Variants in SLC14A2 observed in about 807,000 individuals in gnomAD.
SLC14A2 encodes solute carrier family 14 member 2, also known as urea transporter 2.
In SLC14A2, 91 loss-of-function variants were observed where a neutral mutation model predicts 104.6. The observed-to-expected ratio is 0.87, with a 90% CI of 0.73 to 1.04. SLC14A2 has a LOEUF of 1.04. Among genes scored for constraint, SLC14A2 ranks in the 50% least tolerant of loss-of-function variants. The probability of loss-of-function intolerance (pLI) is 0.00; values close to 1 mark genes in which losing one functional copy is unlikely to be tolerated. For missense variants in SLC14A2, 1,189 were observed against 1,156.0 expected (o/e 1.03, Z -0.41); for synonymous variants, 476 against 466.4 (o/e 1.02, Z -0.27).
At chr18:45,199,768 T>C in the SLC14A2 span, among the ~76,000 whole-genome samples, 2 of 152,152 alleles carry the variant, frequency 1.3e-5, no homozygotes, top group Admixed American at 6.5e-5. Context: ...TAAGCTGAAG[T>C]CTTCCTTTCA....
chr18:45,405,154 A>G (rs1284186113), intron 1 of SLC14A2, among the ~76,000 whole-genome samples: 1 of 152,220 alleles, frequency 6.6e-6, no homozygotes, highest in East Asian at 1.9e-4. Flanking sequence ...GGGAAGTTGC[A>G]GAACACTCCC....
chr18:45,512,539 T>C (rs748732737), intron 2 of SLC14A2, among the ~76,000 whole-genome samples: 1 of 152,226 alleles, frequency 6.6e-6, no homozygotes, highest in Non-Finnish European at 1.5e-5. Flanking sequence ...CCTTGCTTAC[T>C]GGAACCCCTT....
At chr18:45,664,148 C>T (rs184273431) in intron 11 of SLC14A2, among the ~76,000 whole-genome samples, 3 of 152,300 alleles carry the variant, frequency 2.0e-5, no homozygotes, top group African/African-American at 4.8e-5. Flanking sequence ...CCTGGCTGCA[C>T]ATTGGAATCA....
At position 45,620,285 on chromosome 18, in the gene SLC14A2, G is replaced by A. The variant is rs1011261164; in HGVS notation, c.-34-4346G>A. Among the ~76,000 whole-genome samples, 7 of 152,362 alleles carry A rather than the reference G, an allele frequency of 4.6e-5. 1 individual carries two copies. The highest frequency in any genetic ancestry group is 1.3e-4 in the Admixed American group (2 of 15,306). On this transcript the variant is annotated intron_variant, in intron 1 of 19. Coordinates refer to ENST00000255226, the MANE Select transcript of SLC14A2 (RefSeq NM_007163.4). The stretch of plus-strand genomic sequence containing the variant: ...AGCCAGGCAGTCAGAGTAATGGAGA[G>A]CGCAGTGGGGAACTGGGTCTAACCT...
intron 1 of SLC14A2, among the ~76,000 whole-genome samples, chr18:45,419,725 G>A (rs1253629712): frequency 2.7e-5 from 4 of 149,178 alleles, no homozygotes; most frequent in African/African-American, 9.9e-5. Flanking sequence ...AGTGGGCTGA[G>A]ATCACACCAC....
rs531938477 is a variant in SLC14A2 at position 45,594,813 on chromosome 18, T to C, written c.-34-29818T>C. ...AAGTCTTGTTACCAAAGTGAGATTCTCCCACACAGATTTCATGGTTCATCA... is the reference window on the plus strand; with the variant it reads ...AAGTCTTGTTACCAAAGTGAGATTCCCCCACACAGATTTCATGGTTCATCA... On this transcript the variant is annotated intron_variant, in intron 2 of 20. Transcript: ENST00000586448. 3.3e-5 allele frequency among the ~76,000 whole-genome samples: 5 copies of C among 152,288 alleles called. No homozygotes were observed. The South Asian group carries it at 1.0e-3, about 32-fold the overall frequency.
chr18:45,278,279 A>G (rs1282085924), intron 1 of SLC14A2, among the ~76,000 whole-genome samples: 2 of 152,196 alleles, frequency 1.3e-5, no homozygotes, highest in Non-Finnish European at 1.5e-5. Context: ...GGGTTTCTCA[A>G]TATCGACACT....
chr18:45,267,655 G>T (rs999090955), intron 1 of SLC14A2, among the ~76,000 whole-genome samples: 1 of 152,138 alleles, frequency 6.6e-6, no homozygotes, highest in African/African-American at 2.4e-5. Flanking sequence ...GTTGTTTCTG[G>T]AGTTCTCTGG....
At chr18:45,455,578 G>A (rs1413662179) in intron 1 of SLC14A2, among the ~76,000 whole-genome samples, 4 of 151,868 alleles carry the variant, frequency 2.6e-5, no homozygotes, top group Non-Finnish European at 4.4e-5. Flanking sequence ...AACCACCATG[G>A]CACGTGTATA....
chr18:45,353,222 T>C (rs2085519991), intron 1 of SLC14A2, among the ~76,000 whole-genome samples: 3 of 152,206 alleles, frequency 2.0e-5, no homozygotes, highest in East Asian at 1.9e-4. Flanking sequence ...AGGCCATAGT[T>C]TGCTTTAACA....
rs188539960 is a variant in SLC14A2, at chr18:45,397,365, G to A, written c.-124-85868G>A. ...TTTAATAGTAACCATTCTAACTGGT[G>A]TGAGATGGTTTCTCAGTGTGGTTTT... is the stretch of plus-strand genomic sequence containing the variant. On this transcript the variant is annotated intron_variant, in intron 1 of 20. Coordinates refer to the SLC14A2 transcript ENST00000586448. Among the ~76,000 whole-genome samples, 3 of 152,278 alleles carry A rather than the reference G, an allele frequency of 2.0e-5. No homozygotes were observed. The East Asian group carries it at 5.8e-4, about 29-fold the overall frequency.
At chr18:45,215,946 G>A (rs1163629501) in intron 1 of SLC14A2, among the ~76,000 whole-genome samples, 1 of 152,112 alleles carries the variant, frequency 6.6e-6, no homozygotes, top group East Asian at 1.9e-4. Context: ...TCTTCATACA[G>A]TGTACATTTA....
chr18:45,327,629 A>G (rs1388840824), intron 1 of SLC14A2, among the ~76,000 whole-genome samples: 1 of 152,022 alleles, frequency 6.6e-6, no homozygotes, highest in Non-Finnish European at 1.5e-5. Context: ...GTGGAATCAT[A>G]TACATATTTG....
intron 1 of SLC14A2, among the ~76,000 whole-genome samples, chr18:45,218,619 G>A (rs1339786388): frequency 3.9e-5 from 6 of 152,168 alleles, no homozygotes; most frequent in Non-Finnish European, 8.8e-5. Flanking sequence ...TAATTCTGAG[G>A]TCAAGTCGAG....
intron 1 of SLC14A2, among the ~76,000 whole-genome samples, chr18:45,432,644 C>T (rs775549954): frequency 5.3e-5 from 8 of 152,178 alleles, no homozygotes; most frequent in Non-Finnish European, 7.3e-5. Context: ...ACCCTGATTT[C>T]GGCTTTGTGA....
chr18:45,250,751 C>CTGACTTTTTTTTTTTTTTT lies in SLC14A2; in HGVS notation c.-125+37561_-125+37562insGACTTTTTTTTTTTTTTTT, dbSNP rs1165070845. Among the ~76,000 whole-genome samples, 411 of 113,752 alleles carry CTGACTTTTTTTTTTTTTTT rather than the reference C, an allele frequency of 3.6e-3. 23 individuals are homozygous for CTGACTTTTTTTTTTTTTTT. The highest frequency in any genetic ancestry group is 6.6e-3 in the African/African-American group (169 of 25,468). 74.6% of individuals were successfully genotyped at this position (113,752 alleles called of 152,430 possible). ...AACTGAATCCTCTGGCTAGTGGCTT[C>CTGACTTTTTTTTTTTTTTT]TTCCTTTTTTTTTTTTTTTTTTTTT... On this transcript the variant is annotated intron_variant, in intron 1 of 20. Coordinates refer to the SLC14A2 transcript ENST00000586448.
chr18:45,202,939 G>A, the SLC14A2 span, among the ~76,000 whole-genome samples: 3 of 152,148 alleles, frequency 2.0e-5, no homozygotes, highest in Admixed American at 6.5e-5. Flanking sequence ...AAACCATATG[G>A]CAGAGGGGAG....
upstream of SLC14A2, among the ~76,000 whole-genome samples, chr18:45,209,216 G>A (rs2083941252): frequency 6.7e-6 from 1 of 149,292 alleles, no homozygotes; most frequent in Non-Finnish European, 1.5e-5. Flanking sequence ...GGTGGCAGGC[G>A]CCTGTAGTCC....
intron 1 of SLC14A2, among the ~76,000 whole-genome samples, chr18:45,227,164 C>T (rs1381535929): frequency 5.3e-5 from 8 of 152,180 alleles, no homozygotes; most frequent in Non-Finnish European, 4.4e-5. Context: ...GAAAGAGTCA[C>T]ACTAGCCTCC....
Sources: gnomAD v4.1 joint callset for allele counts (sites outside exome capture counted in the v4.1 genomes callset) on GRCh38, gnomAD v4.1.1 for gene constraint, MANE v1.5 for transcripts, NCBI Gene and HGNC (gene_info 2026-07-23, HGNC 2026-07-21) for gene names.